Variants in PHTF1 observed in about 807,000 individuals in gnomAD.
PHTF1 encodes putative homeodomain transcription factor 1.
Under a neutral mutation model 102.4 loss-of-function variants are expected in PHTF1, and 88 were observed. That is an observed-to-expected ratio of 0.86 (90% CI 0.72 to 1.03). The LOEUF is 1.03. PHTF1 is among the 50% of genes least tolerant of loss of function. The pLI is 0.00. For missense variants in PHTF1, 814 were observed against 909.5 expected (o/e 0.89, Z 1.35); for synonymous variants, 289 against 305.2 (o/e 0.95, Z 0.55).
At chr1:113,737,437 T>C (rs1043651327) in intron 5 of PHTF1, among the ~76,000 whole-genome samples, 2 of 152,176 alleles carry the variant, frequency 1.3e-5, no homozygotes, top group Non-Finnish European at 1.5e-5. Context: ...AAGATATAGA[T>C]TTGGGAATCA....
intron 7 of PHTF1, chr1:113,714,629 G>A (rs1651681570): frequency 6.6e-6 from 1 of 152,252 alleles, no homozygotes; most frequent in Non-Finnish European, 1.5e-5. Context: ...AGAATGACAG[G>A]AAGATTCCTA....
At position 113,706,155 on chromosome 1, in the gene PHTF1, G is replaced by A; in HGVS notation, c.1406C>T (p.Ala469Val). The change falls in exon 13 of 19, where the codon GCC (alanine) becomes GTC (valine). Residue 469 changes from alanine to valine, a missense_variant. Coordinates refer to ENST00000369604, the MANE Select transcript of PHTF1 (RefSeq NM_001323043.2). Reference protein sequence around the residue: ...ISGIIMSRVNAYQQGVGYQML... With the variant: ...ISGIIMSRVNVYQQGVGYQML... ...CTGATAACCTACTCCTTGCTGATAG[G>A]CATTGACCTGTGAATTAATTTAAAA... is the stretch of plus-strand genomic sequence containing the variant. The A allele has an allele frequency of 2.5e-6, 4 of 1,597,850 alleles. No homozygotes were observed. The highest frequency in any genetic ancestry group is 2.6e-6 in the Non-Finnish European group (3 of 1,172,874).
chr1:113,755,157 A>AT (rs1557979870), intron 3 of PHTF1, among the ~76,000 whole-genome samples: 1 of 151,180 alleles, frequency 6.6e-6, no homozygotes, highest in Admixed American at 6.6e-5. Context: ...TTATTTTAAA[A>AT]TTTTTTTTGC....
At chr1:113,743,411 T>G (rs1490997463) in intron 3 of PHTF1, among the ~76,000 whole-genome samples, 1 of 152,184 alleles carries the variant, frequency 6.6e-6, no homozygotes, top group Admixed American at 6.5e-5. Flanking sequence ...TCACAATGCC[T>G]TCTTCTGGAA....
At chr1:113,698,785 T>C (rs1055568500) in intron 17 of PHTF1, 6 of 203,612 alleles carry the variant, frequency 2.9e-5, no homozygotes, top group Non-Finnish European at 4.9e-5. Flanking sequence ...CTACACAGCC[T>C]AGCATCTATC....
chr1:113,699,666 C>G, intron 17 of PHTF1, 38 bp downstream of exon 17: 1 of 856,394 alleles, frequency 1.2e-6, no homozygotes, highest in South Asian at 1.5e-5. Flanking sequence ...TGATTTAACT[C>G]AAATGATAGT....
chr1:113,735,474 A>G (rs1382996671), intron 5 of PHTF1, among the ~76,000 whole-genome samples: 1 of 151,894 alleles, frequency 6.6e-6, no homozygotes. Context: ...GACTGTACAG[A>G]CATTAAAATG....
rs891941976 is a variant in PHTF1 at position 113,710,265 on chromosome 1, C to T, written c.1258G>A (p.Val420Ile). 1.2e-6 allele frequency: 2 copies of T among 1,612,466 alleles called. No homozygotes were observed. Among genetic ancestry groups the T allele is most frequent in the East Asian group, 4.5e-5 (2 of 44,874 alleles). The change falls in exon 11 of 19, where the codon GTT (valine) becomes ATT (isoleucine). Residue 420 changes from valine to isoleucine, a missense_variant. By Grantham distance (29) the Val-to-Ile change is conservative. Transcript: ENST00000369604. ...ATGTCTGCACAGACCTGCTGAAAAA[C>T]ATCCTCTTTGGGGTCACGTTTGGTC... ...SGTKRDPKEDVFQQNHLFWLQ... is the reference protein window; with the variant it reads ...SGTKRDPKEDIFQQNHLFWLQ...
chr1:113,739,796 T>G (rs2101612179), intron 3 of PHTF1, among the ~76,000 whole-genome samples: 1 of 152,348 alleles, frequency 6.6e-6, no homozygotes, highest in South Asian at 2.1e-4. Flanking sequence ...TGAGATCAAC[T>G]TTTTAGCTTC....
At chr1:113,707,127 G>T (rs1199917691) in intron 11 of PHTF1, among the ~76,000 whole-genome samples, 1 of 152,008 alleles carries the variant, frequency 6.6e-6, no homozygotes, top group African/African-American at 2.4e-5. Flanking sequence ...TGGAAGTGAG[G>T]ATAAGCTTAG....
chr1:113,753,555 G>A (rs936594346), intron 3 of PHTF1, among the ~76,000 whole-genome samples: 1 of 151,996 alleles, frequency 6.6e-6, no homozygotes, highest in African/African-American at 2.4e-5. Flanking sequence ...AGCCCCCTGA[G>A]TAGGTGGGAC....
Position 113,711,809 on chromosome 1 carries a change from ACAC to A in PHTF1, c.981_983del (p.Trp327del). ...GACTATCTGAATCCCGCACAATATG[ACAC>A]CACCTTGTAGTGGTTTTCTTTACCT... On this transcript the variant is annotated inframe_deletion, in exon 10 of 19. Coordinates refer to ENST00000369604, the MANE Select transcript of PHTF1 (RefSeq NM_001323043.2). 6.2e-7 allele frequency: 1 copy of A among 1,614,000 alleles called. No homozygotes were observed. The highest frequency in any genetic ancestry group is 8.5e-7 in the Non-Finnish European group (1 of 1,179,898).
Position 113,710,278 on chromosome 1 carries a change from G to A in PHTF1, c.1245C>T (p.Asp415=), listed in dbSNP as rs1351730079. 2.5e-6 allele frequency: 4 copies of A among 1,613,108 alleles called. No homozygotes were observed. The highest frequency in any genetic ancestry group is 3.4e-6 in the Non-Finnish European group (4 of 1,179,758). ...VNTLHSGTKR[D]PKEDVFQQNH... ...CCTGCTGAAAAACATCCTCTTTGGG[G>A]TCACGTTTGGTCCCTGAGTGAAGGG... The change falls in exon 11 of 19, where the codon GAC becomes GAT. Residue 415 remains aspartate (D), a synonymous_variant. Coordinates refer to ENST00000369604, the MANE Select transcript of PHTF1 (RefSeq NM_001323043.2).
chr1:113,752,633 C>G (rs866682021), intron 3 of PHTF1, among the ~76,000 whole-genome samples: 1 of 152,144 alleles, frequency 6.6e-6, no homozygotes, highest in Non-Finnish European at 1.5e-5. Context: ...ATCCACCCGC[C>G]TTGGCCTCCC....
intron 15 of PHTF1, among the ~76,000 whole-genome samples, chr1:113,703,662 TATA>T (rs1482932605): frequency 6.6e-6 from 1 of 152,152 alleles, no homozygotes; most frequent in Non-Finnish European, 1.5e-5. Flanking sequence ...ATGCCCAGCC[TATA>T]GTAACAGATT....
intron 5 of PHTF1, among the ~76,000 whole-genome samples, chr1:113,727,783 C>T (rs955943431): frequency 1.3e-5 from 2 of 151,780 alleles, no homozygotes; most frequent in East Asian, 1.9e-4. Context: ...CTGGGCAACA[C>T]GGCAAAACCC....
At chr1:113,731,704 G>A (rs1654671192) in intron 5 of PHTF1, among the ~76,000 whole-genome samples, 1 of 151,748 alleles carries the variant, frequency 6.6e-6, no homozygotes, top group Non-Finnish European at 1.5e-5. Context: ...GACCAGCCTG[G>A]CCAACGTGGC....
chr1:113,705,831 A>C, intron 13 of PHTF1, 59 bp downstream of exon 13: 1 of 1,338,166 alleles, frequency 7.5e-7, no homozygotes, highest in Non-Finnish European at 1.0e-6. Context: ...AACAAAAGCA[A>C]CTCAATGGAA....
At chr1:113,736,030 G>T (rs2101578474) in intron 5 of PHTF1, among the ~76,000 whole-genome samples, 1 of 152,216 alleles carries the variant, frequency 6.6e-6, no homozygotes, top group East Asian at 1.9e-4. Context: ...TGACTAGAGG[G>T]TATTAGGACT....
Sources: gnomAD v4.1 joint callset for allele counts (sites outside exome capture counted in the v4.1 genomes callset) on GRCh38, gnomAD v4.1.1 for gene constraint, MANE v1.5 for transcripts, NCBI Gene and HGNC (gene_info 2026-07-23, HGNC 2026-07-21) for gene names.